C10orf90: variants seen among roughly 807,000 people sequenced by gnomAD.
The protein encoded by C10orf90 is (E2-independent) E3 ubiquitin-conjugating enzyme FATS.
In C10orf90, 56 loss-of-function variants were observed where a neutral mutation model predicts 62.5. That is an observed-to-expected ratio of 0.90 (90% confidence interval 0.72 to 1.12). C10orf90 has a LOEUF of 1.12. Among genes scored for constraint, C10orf90 ranks in the 50% most tolerant of loss-of-function variants. The probability of loss-of-function intolerance (pLI) is 0.00; values close to 1 mark genes in which losing one functional copy is unlikely to be tolerated. For synonymous variants in C10orf90, 386 were observed against 340.4 expected (o/e 1.13, Z -1.47); for missense variants, 970 against 880.4 (o/e 1.10, Z -1.29).
At chr10:126,524,910 C>T (rs1467699099) in intron 2 of C10orf90, 1 of 861,432 alleles carries the variant, frequency 1.2e-6, no homozygotes, top group Non-Finnish European at 1.4e-6. Flanking sequence ...CTTTGTCAAG[C>T]TCACTGAACA....
rs928824648 is a variant in C10orf90 at position 126,547,236 on chromosome 10, G to T, written c.314-33297C>A. On this transcript the variant is annotated intron_variant, in intron 2 of 9. Transcript: ENST00000488181. ...AGATCGAGACCATCCTGGCTAACGC[G>T]GTGAAACCCCATCTCTACAAAAAAT... Among the ~76,000 whole-genome samples the T allele has an allele frequency of 3.3e-5, 5 of 151,980 alleles. No homozygotes were observed. In the South Asian group the frequency reaches 1.0e-3, roughly 32 times the overall value.
chr10:126,464,930 T>A lies in C10orf90; in HGVS notation c.1591A>T (p.Thr531Ser), dbSNP rs369045364. ...TGTTCCACTGGAGGAGCAGACACAG[T>A]CATACATACTTCTCCTTGTTGCCTC... ...SKRQQGEVCM[T>S]VSAPPVEQKP... The change falls in exon 5 of 10, where the codon ACT (threonine) becomes TCT (serine). Residue 531 changes from threonine (T) to serine (S), a missense_variant. Transcript: ENST00000488181. 10 of 1,604,046 alleles carry A rather than the reference T, an allele frequency of 6.2e-6. 1 individual carries two copies. The African/African-American group carries it at 9.4e-5, about 15-fold the overall frequency.
chr10:126,613,296 A>G (rs1175379145), intron 2 of C10orf90, among the ~76,000 whole-genome samples: 1 of 152,034 alleles, frequency 6.6e-6, no homozygotes, highest in Non-Finnish European at 1.5e-5. Flanking sequence ...GTGCAGTGGC[A>G]TGATCTTGGC....
chr10:126,589,881 A>C (rs1161845809), intron 2 of C10orf90, among the ~76,000 whole-genome samples: 2 of 152,202 alleles, frequency 1.3e-5, no homozygotes, highest in African/African-American at 4.8e-5. Flanking sequence ...AATGGGCGAA[A>C]TGCTCCAATT....
At chr10:126,561,992 C>T (rs75245955) in intron 2 of C10orf90, among the ~76,000 whole-genome samples, 142 of 152,294 alleles carry the variant, frequency 9.3e-4, no homozygotes, top group African/African-American at 3.1e-3. Context: ...TGACATGAAG[C>T]GTTCATTTTG....
At chr10:126,635,872 T>C (rs1054143159) in intron 2 of C10orf90, among the ~76,000 whole-genome samples, 1 of 150,926 alleles carries the variant, frequency 6.6e-6, no homozygotes, top group Non-Finnish European at 1.5e-5. Context: ...TAGCCCTCTG[T>C]GATCTGTACT....
At chr10:126,583,919 T>C (rs1212663427) in intron 2 of C10orf90, among the ~76,000 whole-genome samples, 1 of 152,102 alleles carries the variant, frequency 6.6e-6, no homozygotes, top group Non-Finnish European at 1.5e-5. Flanking sequence ...AGTCTGAGAC[T>C]AGCCTTGGTG....
intron 2 of C10orf90, among the ~76,000 whole-genome samples, chr10:126,528,606 C>G (rs938401709): frequency 6.6e-6 from 1 of 152,172 alleles, no homozygotes; most frequent in African/African-American, 2.4e-5. Context: ...CCAGCTGGAC[C>G]GTGATCAAGG....
At chr10:126,623,567 C>A (rs1845686876) in intron 2 of C10orf90, among the ~76,000 whole-genome samples, 2 of 151,996 alleles carry the variant, frequency 1.3e-5, no homozygotes, top group Non-Finnish European at 2.9e-5. Context: ...TGAGGCTGGG[C>A]ATAGTGACTC....
chr10:126,640,497 T>C (rs1384492593), intron 2 of C10orf90, among the ~76,000 whole-genome samples: 26 of 151,740 alleles, frequency 1.7e-4, no homozygotes, highest in Non-Finnish European at 1.5e-5. Flanking sequence ...CTTGGAAACA[T>C]AGAGATGAGA....
At chr10:126,592,811 A>G (rs900828378) in intron 2 of C10orf90, among the ~76,000 whole-genome samples, 2 of 152,214 alleles carry the variant, frequency 1.3e-5, no homozygotes. Flanking sequence ...AAGGTCTAAT[A>G]TCCAGAGTCT....
chr10:126,500,240 G>A (rs1016230713), intron 4 of C10orf90, among the ~76,000 whole-genome samples: 1 of 152,208 alleles, frequency 6.6e-6, no homozygotes, highest in African/African-American at 2.4e-5. Flanking sequence ...TGGCAGAGGA[G>A]GTGGGGCCTG....
At chr10:126,431,378 G>A (rs1857559208) in intron 7 of C10orf90, among the ~76,000 whole-genome samples, 1 of 152,128 alleles carries the variant, frequency 6.6e-6, no homozygotes, top group South Asian at 2.1e-4. Flanking sequence ...TTGTAAGAAG[G>A]AGCAGTGAGA....
intron 2 of C10orf90, among the ~76,000 whole-genome samples, chr10:126,628,178 A>T (rs1156954810): frequency 6.6e-6 from 1 of 152,190 alleles, no homozygotes; most frequent in Non-Finnish European, 1.5e-5. Flanking sequence ...TCTGTGGCTC[A>T]GTTTTCTTAT....
intron 7 of C10orf90, among the ~76,000 whole-genome samples, chr10:126,446,251 G>A (rs1349807546): frequency 6.6e-6 from 1 of 151,848 alleles, no homozygotes; most frequent in Non-Finnish European, 1.5e-5. Flanking sequence ...CCAAATCTGG[G>A]GAAGATATAA....
At position 126,453,258 on chromosome 10, in the gene C10orf90, C is replaced by T. The variant is rs1859320194; in HGVS notation, c.2188+5782G>A. 6.6e-6 allele frequency among the ~76,000 whole-genome samples: 1 copy of T among 152,190 alleles called. No individual in the cohort carries two copies. Among genetic ancestry groups the T allele is most frequent in the African/African-American group, 2.4e-5 (1 of 41,456 alleles). ...ATTCAGTCTGCTGTGCTAGATGCAG[C>T]AGGGCCTCTCGCAGTGATTTGGTGT... On this transcript the variant is annotated intron_variant, in intron 7 of 9. Coordinates refer to ENST00000488181, the MANE Select transcript of C10orf90 (RefSeq NM_001350921.2). The surrounding 1 kb of genome is among the most constrained non-coding windows in gnomAD (Gnocchi z 4.9).
intron 2 of C10orf90, among the ~76,000 whole-genome samples, chr10:126,627,000 C>CTT (rs61226052): frequency 0.037 from 4,383 of 119,382 alleles, 352 homozygotes; most frequent in African/African-American, 0.13. Flanking sequence ...TTTTTCTTTT[C>CTT]TTTTTTTTTT....
chr10:126,536,875 T>C (rs192408402), intron 2 of C10orf90, among the ~76,000 whole-genome samples: 67 of 152,222 alleles, frequency 4.4e-4, no homozygotes, highest in African/African-American at 1.6e-3. Flanking sequence ...GAGGGCTGGA[T>C]TGGGTAAGTC....
At chr10:126,541,120 A>G (rs1329097470) in intron 2 of C10orf90, among the ~76,000 whole-genome samples, 1 of 152,196 alleles carries the variant, frequency 6.6e-6, no homozygotes, top group Non-Finnish European at 1.5e-5. Flanking sequence ...TTTTTATATG[A>G]CAAATGTATT....
Sources: gnomAD v4.1 joint callset for allele counts (sites outside exome capture counted in the v4.1 genomes callset) on GRCh38, gnomAD v4.1.1 for gene constraint, Gnocchi (gnomAD v3.1) non-coding constraint, MANE v1.5 for transcripts, NCBI Gene and HGNC (gene_info 2026-07-23, HGNC 2026-07-21) for gene names.